The following INTS4 variants were observed in gnomAD, a reference collection of about 807,000 sequenced individuals.
INTS4 encodes the protein MSTP093.
A neutral mutation model predicts 119.5 loss-of-function variants in INTS4; 70 were observed. The observed-to-expected ratio is 0.59, with a 90% CI of 0.48 to 0.71. The LOEUF is 0.71. Ranked by LOEUF, INTS4 falls within the 30% of genes least tolerant of loss-of-function variation. INTS4 has a pLI of 0.00. For missense variants in INTS4, 867 were observed against 1,173.2 expected (o/e 0.74, Z 3.81); for synonymous variants, 316 against 419.6 (o/e 0.75, Z 3.02).
At chr11:77,980,673 G>A (rs901621723) in intron 3 of INTS4, among the ~76,000 whole-genome samples, 1 of 152,170 alleles carries the variant, frequency 6.6e-6, no homozygotes, top group South Asian at 2.1e-4. Context: ...CCTAACCTGT[G>A]CCTAGCCTGT....
intron 18 of INTS4, among the ~76,000 whole-genome samples, chr11:77,899,078 C>A (rs1220508402): frequency 6.6e-6 from 1 of 152,054 alleles, no homozygotes; most frequent in Non-Finnish European, 1.5e-5. Context: ...ATAACCCTTA[C>A]AATAACCCTG....
chr11:77,952,651 A>G (rs1235195370), intron 8 of INTS4, among the ~76,000 whole-genome samples: 2 of 152,186 alleles, frequency 1.3e-5, no homozygotes, highest in African/African-American at 4.8e-5. Flanking sequence ...TATAATTTGA[A>G]GCTGTTCAGA....
intron 14 of INTS4, among the ~76,000 whole-genome samples, chr11:77,920,236 T>TATACACATATACATAC (rs1953318239): frequency 1.1e-5 from 1 of 90,464 alleles, no homozygotes; most frequent in African/African-American, 4.5e-5. Context: ...TACATACATA[T>TATACACATATACATAC]ATACATATAT....
intron 10 of INTS4, among the ~76,000 whole-genome samples, chr11:77,935,903 A>AAAAAAAGAAAATAAAGAGAG (rs1565256799): frequency 2.3e-5 from 2 of 86,990 alleles, no homozygotes; most frequent in African/African-American, 5.5e-5. Context: ...CTCAAAAAAA[A>AAAAAAAGAAAATAAAGAGAG]AAAAAAGAAA....
At chr11:77,991,392 T>A (rs1856683249) in intron 1 of INTS4, 93 bp from the exon 2 acceptor site, 1 of 992,548 alleles carries the variant, frequency 1.0e-6, no homozygotes, top group African/African-American at 1.6e-5. Context: ...CCAAATAATA[T>A]ATTTAGCTGA....
intron 7 of INTS4, among the ~76,000 whole-genome samples, chr11:77,957,019 C>G (rs1406212514): frequency 2.0e-5 from 3 of 152,094 alleles, no homozygotes; most frequent in African/African-American, 4.8e-5. Context: ...ACCACAGTGT[C>G]AACTTCCTGG....
In INTS4 at chr11:77,908,903, C is replaced by T. The variant is rs141778993; in HGVS notation, c.1923-1093G>A. ...CTGTCCAGTTAGCCATTCTCCACTT[C>T]TTTATTACTAATTGAACTCTGATTT... is the stretch of plus-strand genomic sequence containing the variant. On this transcript the variant is annotated intron_variant, in intron 15 of 22. Coordinates refer to ENST00000534064, the MANE Select transcript of INTS4 (RefSeq NM_033547.4). Among the ~76,000 whole-genome samples, 1,164 of 152,322 alleles carry T rather than the reference C, an allele frequency of 7.6e-3. 7 individuals carry two copies. The highest frequency in any genetic ancestry group is 0.012 in the Non-Finnish European group (801 of 68,014).
chr11:77,976,705 A>C (rs1855965596), intron 4 of INTS4, among the ~76,000 whole-genome samples: 1 of 152,252 alleles, frequency 6.6e-6, no homozygotes, highest in African/African-American at 2.4e-5. Context: ...GACTGGATTA[A>C]GAAAATATGG....
At chr11:77,932,690 G>A (rs1039537244) in intron 10 of INTS4, among the ~76,000 whole-genome samples, 1 of 151,990 alleles carries the variant, frequency 6.6e-6, no homozygotes. Context: ...CACAAGTAAA[G>A]ACTTGGAACC....
intron 4 of INTS4, among the ~76,000 whole-genome samples, chr11:77,964,532 CCACT>C (rs1855402951): frequency 6.6e-6 from 1 of 151,736 alleles, no homozygotes; most frequent in African/African-American, 2.4e-5. Flanking sequence ...CGAGATCGCG[CCACT>C]GCACTCCAGC....
intron 4 of INTS4, among the ~76,000 whole-genome samples, chr11:77,976,707 A>G (rs1855965695): frequency 6.6e-6 from 1 of 152,254 alleles, no homozygotes; most frequent in East Asian, 1.9e-4. Context: ...CTGGATTAAG[A>G]AAATATGGCA....
chr11:77,943,238 A>C (rs540426156), intron 8 of INTS4, among the ~76,000 whole-genome samples: 29 of 152,286 alleles, frequency 1.9e-4, no homozygotes, highest in African/African-American at 4.8e-4. Context: ...TTTGTGCCCC[A>C]AAAAATTAAA....
Position 77,957,659 on chromosome 11 carries a change from ACTT to A in INTS4, c.797+1084_797+1086del, listed in dbSNP as rs1461071435. On this transcript the variant is annotated intron_variant, in intron 7 of 22. Transcript: ENST00000534064. Reference sequence around the variant, plus strand: ...TAAGTTTATTATCTTCTGTAACTGAACTTCTTTTTTTTTTTTTTTTTTTTTGAG... The same window carrying A: ...TAAGTTTATTATCTTCTGTAACTGAACTTTTTTTTTTTTTTTTTTTTTGAG... Among the ~76,000 whole-genome samples, 565 of 144,204 alleles carry A rather than the reference ACTT, an allele frequency of 3.9e-3. 3 individuals are homozygous for A. The highest frequency in any genetic ancestry group is 0.013 in the African/African-American group (509 of 38,796). The allele number at this position is 144,204 out of a possible 152,430, so 94.6% of individuals were successfully genotyped here.
intron 8 of INTS4, 26 bp downstream of exon 8, chr11:77,955,916 A>T: frequency 6.4e-7 from 1 of 1,574,352 alleles, no homozygotes; most frequent in Non-Finnish European, 8.6e-7. Flanking sequence ...ACATGCATAC[A>T]TACATACATA....
At chr11:77,930,742 G>T (rs1439498479) in intron 10 of INTS4, among the ~76,000 whole-genome samples, 1 of 152,156 alleles carries the variant, frequency 6.6e-6, no homozygotes, top group East Asian at 1.9e-4. Flanking sequence ...CACTTTGAGA[G>T]GCCAAGGCAG....
downstream of INTS4, among the ~76,000 whole-genome samples, chr11:77,878,255 A>G (rs746236465): frequency 7.2e-5 from 11 of 151,948 alleles, no homozygotes; most frequent in Admixed American, 1.3e-4. Flanking sequence ...CCACCTACTC[A>G]GGAGGCTGAG....
At chr11:77,961,656 C>A (rs1008833845) in intron 4 of INTS4, among the ~76,000 whole-genome samples, 4 of 152,182 alleles carry the variant, frequency 2.6e-5, no homozygotes, top group African/African-American at 9.7e-5. Context: ...CACCACATCA[C>A]CACCAAAAAT....
intron 8 of INTS4, among the ~76,000 whole-genome samples, chr11:77,945,415 G>A (rs1215027662): frequency 6.6e-6 from 1 of 152,112 alleles, no homozygotes; most frequent in Admixed American, 6.6e-5. Flanking sequence ...ATCCTGCCCT[G>A]GGGACCAGTA....
At chr11:77,960,282 C>T (rs1954434841) in intron 6 of INTS4, 59 bp downstream of exon 6, 3 of 1,231,534 alleles carry the variant, frequency 2.4e-6, no homozygotes, top group African/African-American at 1.5e-5. Context: ...AACCTGTGTG[C>T]CGCCCTCCCA....
Sources: gnomAD v4.1 joint callset for allele counts (sites outside exome capture counted in the v4.1 genomes callset) on GRCh38, gnomAD v4.1.1 for gene constraint, MANE v1.5 for transcripts, NCBI Gene and HGNC (gene_info 2026-07-23, HGNC 2026-07-21) for gene names.